Variants in HECW1 observed in about 807,000 individuals in gnomAD.
HECW1 encodes the protein HECT, C2 and WW domain containing E3 ubiquitin protein ligase 1.
HECW1 carries 61 observed loss-of-function variants against 182.3 expected under a neutral mutation model. That is an observed-to-expected ratio of 0.33 (90% CI 0.27 to 0.41). The LOEUF is 0.41. Ranked by LOEUF, HECW1 falls within the 10% of genes least tolerant of loss-of-function variation. HECW1 has a pLI of 1.00. For synonymous variants in HECW1, 859 were observed against 832.6 expected (o/e 1.03, Z -0.55); for missense variants, 1,739 against 2,108.9 (o/e 0.82, Z 3.44).
intron 12 of HECW1, among the ~76,000 whole-genome samples, chr7:43,455,486 A>T (rs911656701): frequency 6.6e-6 from 1 of 152,150 alleles, no homozygotes; most frequent in Non-Finnish European, 1.5e-5. Context: ...TCTTCTCTCC[A>T]CTGAACCTAA....
chr7:43,408,949 C>T (rs1029600665), intron 8 of HECW1, among the ~76,000 whole-genome samples: 1 of 152,122 alleles, frequency 6.6e-6, no homozygotes, highest in African/African-American at 2.4e-5. Context: ...CCCTCATCAG[C>T]CTATTATTGA....
In HECW1 at chr7:43,445,034, A is replaced by C; in HGVS notation, c.1862A>C (p.Glu621Ala). The stretch of plus-strand genomic sequence containing the variant: ...CTGGAAGAGGACAGAGAAGAGCCCG[A>C]GGGGGCTACTCCAGGCACGGCGCAC... Reference protein sequence around the residue: ...SALEEDREEPEGATPGTAHPG... With the variant: ...SALEEDREEPAGATPGTAHPG... The change falls in exon 11 of 30, where the codon GAG becomes GCG. Residue 621 changes from glutamate to alanine, a missense_variant. Physicochemically the swap from Glu to Ala is moderately radical, Grantham distance 107 (BLOSUM62 -1). Coordinates refer to ENST00000395891, the MANE Select transcript of HECW1 (RefSeq NM_015052.5). The C allele has an allele frequency of 6.4e-7, 1 of 1,568,704 alleles. No homozygotes were observed. Among genetic ancestry groups the C allele is most frequent in the African/African-American group, 1.4e-5 (1 of 74,062 alleles).
chr7:43,547,041 C>T (rs762396873), intron 26 of HECW1, among the ~76,000 whole-genome samples: 10 of 152,150 alleles, frequency 6.6e-5, no homozygotes, highest in Admixed American at 2.6e-4. Flanking sequence ...TTGGTCAGCA[C>T]GAGCTGCTTC....
intron 2 of HECW1, among the ~76,000 whole-genome samples, chr7:43,230,416 C>T (rs1304955759): frequency 6.6e-6 from 1 of 151,952 alleles, no homozygotes; most frequent in Non-Finnish European, 1.5e-5. Flanking sequence ...ATAAAAACAA[C>T]CAGTGTCATG....
intron 6 of HECW1, among the ~76,000 whole-genome samples, chr7:43,380,909 A>T (rs1425415744): frequency 6.6e-6 from 1 of 152,206 alleles, no homozygotes; most frequent in African/African-American, 2.4e-5. Context: ...TTTTTAGTAG[A>T]TTCTGCTAAA....
At chr7:43,468,888 C>T (rs750654759) in intron 15 of HECW1, 32 bp from the exon 16 acceptor site, 1 of 1,608,300 alleles carries the variant, frequency 6.2e-7, no homozygotes, top group Non-Finnish European at 8.5e-7. Flanking sequence ...TAATTCCCCA[C>T]TCCTTACCCC....
chr7:43,281,120 G>T (rs1562777990), intron 3 of HECW1, among the ~76,000 whole-genome samples: 1 of 152,092 alleles, frequency 6.6e-6, no homozygotes, highest in Non-Finnish European at 1.5e-5. Context: ...CAGCAGTTCT[G>T]CACCCCTCAC....
intron 2 of HECW1, among the ~76,000 whole-genome samples, chr7:43,124,000 A>G (rs1420135689): frequency 2.0e-5 from 3 of 152,210 alleles, no homozygotes; most frequent in Non-Finnish European, 4.4e-5. Flanking sequence ...TCTAAACCCA[A>G]ATTGTATCTA....
At chr7:43,304,677 A>G (rs926352798) in intron 3 of HECW1, among the ~76,000 whole-genome samples, 1 of 152,046 alleles carries the variant, frequency 6.6e-6, no homozygotes, top group African/African-American at 2.4e-5. Context: ...TATTTTTAGT[A>G]GAGACGGGGT....
intron 6 of HECW1, among the ~76,000 whole-genome samples, chr7:43,379,015 A>G (rs1562908615): frequency 6.6e-6 from 1 of 152,152 alleles, no homozygotes; most frequent in Non-Finnish European, 1.5e-5. Context: ...TTGCTCACAC[A>G]AGCACTGTGT....
At chr7:43,274,395 C>T (rs769492102) in intron 3 of HECW1, 26 of 632,478 alleles carry the variant, frequency 4.1e-5, no homozygotes, top group East Asian at 8.8e-5. Flanking sequence ...AGAACTTCAG[C>T]GTCTGGCTGC....
chr7:43,474,245 C>G (rs7795449), intron 16 of HECW1, among the ~76,000 whole-genome samples: 3,744 of 152,142 alleles, frequency 0.025, 158 homozygotes, highest in African/African-American at 0.086. Context: ...GTCAGCAGAT[C>G]GAGACCACCC....
chr7:43,459,154 G>A (rs1198243963), intron 13 of HECW1, among the ~76,000 whole-genome samples: 4 of 152,106 alleles, frequency 2.6e-5, no homozygotes, highest in Admixed American at 6.5e-5. Context: ...CCAGGAAGCC[G>A]TCCCAGAATC....
intron 24 of HECW1, among the ~76,000 whole-genome samples, chr7:43,512,892 G>A (rs1485009696): frequency 1.3e-5 from 2 of 152,234 alleles, no homozygotes; most frequent in Admixed American, 1.3e-4. Flanking sequence ...CAACTTTGCA[G>A]TGGTCAATTT....
At chr7:43,471,346 T>C (rs548537134) in intron 16 of HECW1, among the ~76,000 whole-genome samples, 1 of 152,358 alleles carries the variant, frequency 6.6e-6, no homozygotes, top group African/African-American at 2.4e-5. Context: ...TAGCTCACTA[T>C]GCAAAAGCCA....
At chr7:43,539,662 C>T (rs1433501482) in intron 24 of HECW1, among the ~76,000 whole-genome samples, 1 of 12,810 alleles carries the variant, frequency 7.8e-5, no homozygotes, top group Non-Finnish European at 1.4e-4. Flanking sequence ...GGGGCCACCT[C>T]TAAGTGCGGA....
chr7:43,290,603 C>G (rs1805278058), intron 3 of HECW1, among the ~76,000 whole-genome samples: 1 of 152,160 alleles, frequency 6.6e-6, no homozygotes, highest in South Asian at 2.1e-4. Flanking sequence ...CTGGGGTCAT[C>G]CTGGCCAAGA....
intron 24 of HECW1, chr7:43,522,985 A>G (rs1335931966): frequency 6.9e-6 from 3 of 432,174 alleles, no homozygotes; most frequent in Non-Finnish European, 1.4e-5. Context: ...TCTCTTTCCA[A>G]AGGTAGTTCT....
At chr7:43,480,450 C>T (rs1563034211) in intron 17 of HECW1, among the ~76,000 whole-genome samples, 1 of 152,064 alleles carries the variant, frequency 6.6e-6, no homozygotes, top group Non-Finnish European at 1.5e-5. Context: ...TCCCAAGTAT[C>T]TGTGCCTTCT....
Sources: allele counts gnomAD v4.1 joint callset (sites outside exome capture counted in the v4.1 genomes callset), GRCh38; gene constraint gnomAD v4.1.1; transcripts MANE v1.5; gene names NCBI Gene and HGNC (gene_info 2026-07-23, HGNC 2026-07-21).